Variants in BTBD9 observed in about 807,000 individuals in gnomAD.
BTBD9 encodes the protein BTB domain containing 9, also known as BTB/POZ domain-containing protein 9.
BTBD9 carries 49 observed loss-of-function variants against 64.3 expected under a neutral mutation model. The observed-to-expected ratio is 0.76, with a 90% CI of 0.61 to 0.97. The LOEUF is 0.97. Ranked by LOEUF, BTBD9 falls within the 50% of genes least tolerant of loss-of-function variation. BTBD9 has a pLI of 0.00. For missense variants in BTBD9, 598 were observed against 762.1 expected (o/e 0.78, Z 2.53); for synonymous variants, 260 against 274.7 (o/e 0.95, Z 0.53).
At chr6:38,630,195 C>A (rs372974302) in intron 1 of BTBD9, among the ~76,000 whole-genome samples, 2 of 140,698 alleles carry the variant, frequency 1.4e-5, no homozygotes, top group Admixed American at 7.3e-5. Context: ...AGTGAAATTC[C>A]GTCTCAAAAA....
chr6:38,325,708 C>CA (rs1763399644), intron 7 of BTBD9, among the ~76,000 whole-genome samples: 1 of 152,112 alleles, frequency 6.6e-6, no homozygotes, highest in Non-Finnish European at 1.5e-5. Flanking sequence ...CAAAACAAAA[C>CA]AAACAAACAA....
At chr6:38,333,718 C>T (rs1173136684) in intron 7 of BTBD9, among the ~76,000 whole-genome samples, 1 of 152,176 alleles carries the variant, frequency 6.6e-6, no homozygotes, top group Non-Finnish European at 1.5e-5. Flanking sequence ...CCGTACAGCC[C>T]ACAAAACCAT....
At chr6:38,395,112 A>T (rs749591054) in intron 6 of BTBD9, among the ~76,000 whole-genome samples, 2 of 152,168 alleles carry the variant, frequency 1.3e-5, no homozygotes, top group Non-Finnish European at 2.9e-5. Context: ...AGGAGCCCTC[A>T]TGAATGAGAT....
chr6:38,468,425 T>A (rs1253462010), intron 6 of BTBD9, among the ~76,000 whole-genome samples: 1 of 152,216 alleles, frequency 6.6e-6, no homozygotes. Context: ...TGTAACTTTT[T>A]CCAGAAATAC....
chr6:38,322,901 A>G (rs1763290312), intron 7 of BTBD9, among the ~76,000 whole-genome samples: 1 of 152,214 alleles, frequency 6.6e-6, no homozygotes, highest in Non-Finnish European at 1.5e-5. Flanking sequence ...TGTCTGATAA[A>G]TAATCTTTTC....
intron 6 of BTBD9, among the ~76,000 whole-genome samples, chr6:38,512,604 T>G (rs1490992986): frequency 6.6e-6 from 1 of 152,158 alleles, no homozygotes; most frequent in Non-Finnish European, 1.5e-5. Context: ...TGTGTTGCTG[T>G]GAGGTAAACC....
intron 6 of BTBD9, among the ~76,000 whole-genome samples, chr6:38,455,517 G>T (rs1024427233): frequency 6.6e-6 from 1 of 152,188 alleles, no homozygotes; most frequent in Admixed American, 6.5e-5. Context: ...CATACAGTAT[G>T]TAGCCTTTTG....
At chr6:38,340,543 A>C (rs771146788) in intron 7 of BTBD9, among the ~76,000 whole-genome samples, 1 of 152,222 alleles carries the variant, frequency 6.6e-6, no homozygotes, top group Non-Finnish European at 1.5e-5. Context: ...CTCAAAATGT[A>C]TGTACTTACC....
intron 7 of BTBD9, 151 bp from the exon 8 acceptor site, chr6:38,288,612 T>C: frequency 1.4e-6 from 1 of 701,820 alleles, no homozygotes; most frequent in Non-Finnish European, 2.3e-6. Flanking sequence ...TATGAATACA[T>C]TTTCCATGCC....
chr6:38,520,689 T>G (rs1773235434), intron 6 of BTBD9, among the ~76,000 whole-genome samples: 1 of 152,114 alleles, frequency 6.6e-6, no homozygotes, highest in Non-Finnish European at 1.5e-5. Context: ...TCCCAGCACT[T>G]TGTAAGGCTG....
intron 7 of BTBD9, among the ~76,000 whole-genome samples, chr6:38,314,357 G>A (rs540342499): frequency 3.4e-4 from 52 of 151,528 alleles, no homozygotes; most frequent in African/African-American, 1.2e-3. Context: ...CACTACACCC[G>A]GCTAATTTTT....
chr6:38,451,734 C>T (rs1769562498), intron 6 of BTBD9, among the ~76,000 whole-genome samples: 1 of 152,116 alleles, frequency 6.6e-6, no homozygotes, highest in Admixed American at 6.5e-5. Flanking sequence ...ATCCACCTCT[C>T]TTTTTCATTC....
intron 9 of BTBD9, among the ~76,000 whole-genome samples, chr6:38,233,647 T>C (rs1763685750): frequency 6.6e-6 from 1 of 152,192 alleles, no homozygotes; most frequent in Non-Finnish European, 1.5e-5. Context: ...CAGGTAGAGT[T>C]TAACAGGAAG....
intron 6 of BTBD9, among the ~76,000 whole-genome samples, chr6:38,371,109 C>T (rs1200851892): frequency 6.6e-6 from 1 of 152,238 alleles, no homozygotes; most frequent in Admixed American, 6.5e-5. Context: ...TGCTGACTGA[C>T]TGAGTGGTCA....
chr6:38,194,259 G>A lies in BTBD9; in HGVS notation c.1563-1662C>T, dbSNP rs9394474. ...CATGTCCTTCCTCCAGCAGGTGAGGGGAAGTGAAGGGAGCAGCCCCTGGCC... is the reference window on the plus strand; with the variant it reads ...CATGTCCTTCCTCCAGCAGGTGAGGAGAAGTGAAGGGAGCAGCCCCTGGCC... On this transcript the variant is annotated intron_variant, in intron 9 of 10. Transcript: ENST00000481247. Among the ~76,000 whole-genome samples, 78 of 152,300 alleles carry A rather than the reference G, an allele frequency of 5.1e-4. 1 individual carries two copies. In the East Asian group the frequency reaches 0.014, roughly 28 times the overall value.
At chr6:38,622,125 A>G (rs1229071575) in intron 1 of BTBD9, among the ~76,000 whole-genome samples, 1 of 152,210 alleles carries the variant, frequency 6.6e-6, no homozygotes. Flanking sequence ...TACAAGGCCA[A>G]ATCTCCTCTG....
At chr6:38,387,537 CA>C (rs966963702) in intron 6 of BTBD9, among the ~76,000 whole-genome samples, 9 of 151,652 alleles carry the variant, frequency 5.9e-5, no homozygotes, top group African/African-American at 1.9e-4. Flanking sequence ...AACTCCACCT[CA>C]AAAAAACCCA....
intron 8 of BTBD9, among the ~76,000 whole-genome samples, chr6:38,271,244 C>T (rs1220958948): frequency 1.3e-5 from 2 of 152,130 alleles, no homozygotes; most frequent in African/African-American, 4.8e-5. Context: ...GAAGCCTCAT[C>T]CACCAGGACT....
intron 7 of BTBD9, among the ~76,000 whole-genome samples, chr6:38,338,966 C>A (rs1043319186): frequency 2.0e-5 from 3 of 152,206 alleles, no homozygotes; most frequent in African/African-American, 7.2e-5. Context: ...ACAACATGCT[C>A]TGCTGGCAAG....
Sources: gnomAD v4.1 joint callset for allele counts (sites outside exome capture counted in the v4.1 genomes callset) on GRCh38, gnomAD v4.1.1 for gene constraint, MANE v1.5 for transcripts, NCBI Gene and HGNC (gene_info 2026-07-23, HGNC 2026-07-21) for gene names.